The following TAPT1 variants were observed in gnomAD, a reference collection of about 807,000 sequenced individuals.
TAPT1 encodes the protein transmembrane anterior posterior transformation protein 1 homolog.
Under a neutral mutation model 65.6 loss-of-function variants are expected in TAPT1, and 28 were observed. The observed-to-expected ratio is 0.43, with a 90% CI of 0.32 to 0.59. The LOEUF (loss-of-function observed/expected upper bound fraction) is 0.59. Among genes scored for constraint, TAPT1 ranks in the 20% least tolerant of loss-of-function variants. The pLI, the probability that TAPT1 is intolerant of heterozygous loss-of-function variation, is 0.09. For synonymous variants in TAPT1, 278 were observed against 245.2 expected, an observed-to-expected ratio of 1.13 and a Z score of -1.25; for missense variants, 563 against 679.9, an observed-to-expected ratio of 0.83 and a Z score of 1.91.
intron 3 of TAPT1, among the ~76,000 whole-genome samples, chr4:16,193,016 G>A (rs1749464233): frequency 1.3e-5 from 2 of 152,150 alleles, no homozygotes. Flanking sequence ...TGCTTTATAA[G>A]GTCACAATGA....
rs753771270 is a variant in TAPT1 at position 16,191,525 on chromosome 4, T to C, written c.450-2A>G. The C allele has an allele frequency of 6.4e-7, 1 of 1,553,918 alleles. No individual in the cohort carries two copies. The highest frequency in any genetic ancestry group is 8.7e-7 in the Non-Finnish European group (1 of 1,148,248). On this transcript the variant is annotated splice_acceptor_variant, in intron 3 of 13. Coordinates refer to ENST00000405303, the MANE Select transcript of TAPT1 (RefSeq NM_153365.3). LOFTEE classifies it high-confidence loss of function. ...GCAGGCTGAAGCAAACGTCTGTCCC[T>C]GAAACATACAAGAAGTAATAAAAAT...
intron 11 of TAPT1, among the ~76,000 whole-genome samples, chr4:16,173,276 A>T (rs913527961): frequency 6.6e-6 from 1 of 152,166 alleles, no homozygotes; most frequent in Non-Finnish European, 1.5e-5. Flanking sequence ...AATCGTCTTA[A>T]TTAACATTAT....
At chr4:16,171,830 C>T (rs1472753702) in intron 11 of TAPT1, among the ~76,000 whole-genome samples, 1 of 152,190 alleles carries the variant, frequency 6.6e-6, no homozygotes, top group African/African-American at 2.4e-5. Flanking sequence ...TTTCACCTAG[C>T]ATATTATCAG....
intron 1 of TAPT1, among the ~76,000 whole-genome samples, chr4:16,217,199 A>G (rs548346321): frequency 2.0e-5 from 3 of 152,262 alleles, no homozygotes; most frequent in South Asian, 2.1e-4. Context: ...GCACCTGCCT[A>G]TGATTTTCTG....
intron 11 of TAPT1, among the ~76,000 whole-genome samples, chr4:16,173,216 C>T (rs1406232991): frequency 6.6e-6 from 1 of 152,142 alleles, no homozygotes; most frequent in Non-Finnish European, 1.5e-5. Flanking sequence ...TTGCCTCAGC[C>T]TCCTGAGTAG....
chr4:16,208,598 C>G (rs949474890), intron 2 of TAPT1, among the ~76,000 whole-genome samples: 1 of 152,140 alleles, frequency 6.6e-6, no homozygotes, highest in African/African-American at 2.4e-5. Flanking sequence ...AGCAAGAGGA[C>G]CCAAAGCCAA....
intron 13 of TAPT1, 77 bp downstream of exon 13, chr4:16,166,556 G>A (rs1458933151): frequency 2.8e-5 from 43 of 1,539,818 alleles, no homozygotes; most frequent in Non-Finnish European, 3.3e-5. Flanking sequence ...TCTTTAAAGC[G>A]TTGCTTAACA....
At chr4:16,221,405 A>C (rs6854115) in intron 1 of TAPT1, among the ~76,000 whole-genome samples, 91,373 of 151,904 alleles carry the variant, frequency 0.6, 27,620 homozygotes, top group East Asian at 0.68. Flanking sequence ...GGATTACAGG[A>C]GTGAGCCACC....
intron 7 of TAPT1, among the ~76,000 whole-genome samples, chr4:16,180,202 T>C (rs547184263): frequency 6.6e-6 from 1 of 152,286 alleles, no homozygotes; most frequent in East Asian, 1.9e-4. Context: ...TAACCCCAAA[T>C]TGGGCTTCAT....
chr4:16,179,225 T>C (rs1212402779), intron 8 of TAPT1: 1 of 177,930 alleles, frequency 5.6e-6, no homozygotes, highest in Non-Finnish European at 1.2e-5. Context: ...TATAACCTAT[T>C]GCTCCTAGGC....
At chr4:16,204,183 C>A (rs1191882930) in intron 2 of TAPT1, among the ~76,000 whole-genome samples, 1 of 152,198 alleles carries the variant, frequency 6.6e-6, no homozygotes, top group Non-Finnish European at 1.5e-5. Flanking sequence ...CTGCCAGAAA[C>A]CTGATGTTCC....
intron 11 of TAPT1, among the ~76,000 whole-genome samples, chr4:16,173,977 C>T (rs538047493): frequency 1.3e-5 from 2 of 152,208 alleles, no homozygotes; most frequent in South Asian, 4.1e-4. Context: ...TTAGGAAAGC[C>T]ATTTACATAA....
At chr4:16,176,469 T>TGGGAAGCTAAGGCAGG in intron 8 of TAPT1, 1 of 257,294 alleles carries the variant, frequency 3.9e-6, no homozygotes, top group Non-Finnish European at 7.3e-6. Context: ...TCCCAGCATT[T>TGGGAAGCTAAGGCAGG]TGGATCACCT....
intron 3 of TAPT1, among the ~76,000 whole-genome samples, chr4:16,197,659 T>C (rs1208515611): frequency 6.6e-6 from 1 of 152,222 alleles, no homozygotes; most frequent in African/African-American, 2.4e-5. Context: ...ATTCTATCAT[T>C]CTTCCAAGGA....
chr4:16,169,477 A>T (rs1747852332), intron 12 of TAPT1, among the ~76,000 whole-genome samples: 1 of 152,362 alleles, frequency 6.6e-6, no homozygotes, highest in East Asian at 1.9e-4. Context: ...TTAGAAAAGG[A>T]AGGTCTTAAT....
intron 4 of TAPT1, 30 bp downstream of exon 4, chr4:16,191,331 A>C (rs1749359696): frequency 6.3e-7 from 1 of 1,578,590 alleles, no homozygotes; most frequent in African/African-American, 1.3e-5. Flanking sequence ...TGCCCTGGCC[A>C]GGCCTGTGCG....
At position 16,176,157 on chromosome 4, in the gene TAPT1, G is replaced by A. The variant is rs937400048; in HGVS notation, c.1069C>T (p.His357Tyr). 5.1e-6 allele frequency: 8 copies of A among 1,571,884 alleles called. No homozygotes were observed. The highest frequency in any genetic ancestry group is 4.1e-5 in the African/African-American group (3 of 74,046). Residue 357 changes from histidine to tyrosine, a missense_variant, in exon 9 of 14, where the codon CAT (histidine) becomes TAT (tyrosine). Coordinates refer to ENST00000405303, the MANE Select transcript of TAPT1 (RefSeq NM_153365.3). ...ASEIAVDIVK[H>Y]AFITKFNDIT... ...TCATTGAATTTAGTAATAAAGGCAT[G>A]TTTTACAATATCCACGGCAATTTCT...
chr4:16,185,519 C>T (rs57924303), intron 7 of TAPT1, among the ~76,000 whole-genome samples: 19,292 of 152,008 alleles, frequency 0.13, 1,504 homozygotes, highest in African/African-American at 0.21. Flanking sequence ...CAGGTACCCG[C>T]CACCACACCC....
intron 12 of TAPT1, among the ~76,000 whole-genome samples, chr4:16,170,180 T>G (rs935159398): frequency 1.3e-5 from 2 of 152,238 alleles, no homozygotes; most frequent in Non-Finnish European, 2.9e-5. Context: ...CCAACCAAAA[T>G]GTAAGATCAT....
Sources: gnomAD v4.1 joint callset for allele counts (sites outside exome capture counted in the v4.1 genomes callset) on GRCh38, gnomAD v4.1.1 for gene constraint, MANE v1.5 for transcripts, NCBI Gene and HGNC (gene_info 2026-07-23, HGNC 2026-07-21) for gene names.